COL24A1: variants seen among roughly 807,000 people sequenced by gnomAD.
The protein encoded by COL24A1 is collagen alpha-1(XXIV) chain.
COL24A1 carries 224 observed loss-of-function variants against 253.9 expected under a neutral mutation model. That is an observed-to-expected ratio of 0.88 (90% CI 0.79 to 0.99). The LOEUF is 0.99. COL24A1 is among the 50% of genes least tolerant of loss of function. The pLI is 0.00. For missense variants in COL24A1, 2,131 were observed against 2,068.5 expected (o/e 1.03, Z -0.59); for synonymous variants, 685 against 673.7 (o/e 1.02, Z -0.26).
intron 7 of COL24A1, among the ~76,000 whole-genome samples, chr1:86,082,126 A>ATT (rs1553127404): frequency 6.6e-6 from 1 of 151,834 alleles, no homozygotes; most frequent in Middle Eastern, 3.2e-3. Context: ...GTAGAAGCAT[A>ATT]TCTCTCGAAC....
chr1:85,838,857 A>C (rs1676301500), intron 42 of COL24A1, among the ~76,000 whole-genome samples: 1 of 152,240 alleles, frequency 6.6e-6, no homozygotes, highest in East Asian at 1.9e-4. Flanking sequence ...AGAGAATCTC[A>C]TAATGATTCT....
At chr1:86,130,146 C>T (rs2102300292) in intron 2 of COL24A1, among the ~76,000 whole-genome samples, 1 of 151,908 alleles carries the variant, frequency 6.6e-6, no homozygotes, top group South Asian at 2.1e-4. Context: ...ATATTTTTGG[C>T]ATTACCTTAA....
At chr1:85,741,775 G>C (rs1664670990) in intron 57 of COL24A1, among the ~76,000 whole-genome samples, 1 of 152,134 alleles carries the variant, frequency 6.6e-6, no homozygotes, top group Non-Finnish European at 1.5e-5. Flanking sequence ...TGAATTATGT[G>C]CTTCGTTACT....
chr1:86,045,538 A>T (rs1433335872), intron 12 of COL24A1, among the ~76,000 whole-genome samples: 2 of 152,132 alleles, frequency 1.3e-5, no homozygotes, highest in African/African-American at 4.8e-5. Context: ...CTGTTGGGAT[A>T]TGTGTATGAG....
intron 1 of COL24A1, among the ~76,000 whole-genome samples, chr1:86,149,983 T>C (rs1557833637): frequency 6.6e-6 from 1 of 152,222 alleles, no homozygotes; most frequent in Admixed American, 6.5e-5. Flanking sequence ...TTTCTTACAA[T>C]GCATTCAAGA....
At chr1:85,970,589 T>C (rs1186391006) in intron 21 of COL24A1, among the ~76,000 whole-genome samples, 1 of 152,208 alleles carries the variant, frequency 6.6e-6, no homozygotes, top group Non-Finnish European at 1.5e-5. Flanking sequence ...ACTCCATTTA[T>C]AGACATATTT....
intron 24 of COL24A1, among the ~76,000 whole-genome samples, chr1:85,949,756 A>G (rs542503400): frequency 9.7e-4 from 147 of 152,208 alleles, no homozygotes; most frequent in Middle Eastern, 6.8e-3. Context: ...AACTGGCAAT[A>G]TGACTGTTTC....
chr1:85,924,792 A>C (rs1460068300), intron 24 of COL24A1, among the ~76,000 whole-genome samples: 1 of 152,198 alleles, frequency 6.6e-6, no homozygotes, highest in East Asian at 1.9e-4. Flanking sequence ...CACCACTCTT[A>C]TTCAGCATAG....
chr1:85,980,171 T>C (rs961323371), intron 20 of COL24A1, among the ~76,000 whole-genome samples: 4 of 152,172 alleles, frequency 2.6e-5, no homozygotes, highest in Admixed American at 6.5e-5. Context: ...AAAACTGGCA[T>C]AGAAGAAACA....
chr1:85,790,173 A>G (rs1452478465), intron 47 of COL24A1, among the ~76,000 whole-genome samples: 1 of 152,142 alleles, frequency 6.6e-6, no homozygotes, highest in Non-Finnish European at 1.5e-5. Context: ...TTACGAATCC[A>G]TCTAGTTCTG....
intron 55 of COL24A1, among the ~76,000 whole-genome samples, chr1:85,758,217 A>G (rs935060940): frequency 6.6e-6 from 1 of 152,124 alleles, no homozygotes; most frequent in East Asian, 1.9e-4. Context: ...AACTCATTTC[A>G]GGTCACACCC....
At chr1:85,941,010 G>A (rs1465589504) in intron 24 of COL24A1, among the ~76,000 whole-genome samples, 1 of 152,108 alleles carries the variant, frequency 6.6e-6, no homozygotes, top group East Asian at 1.9e-4. Context: ...ACCTAACTTG[G>A]TTGAACTTAA....
At chr1:85,977,323 C>A (rs1307252977) in intron 20 of COL24A1, among the ~76,000 whole-genome samples, 4 of 152,120 alleles carry the variant, frequency 2.6e-5, no homozygotes, top group Non-Finnish European at 4.4e-5. Context: ...TTCTATTACA[C>A]CCCAAAGACC....
chr1:85,807,320 G>C (rs926791579), intron 47 of COL24A1, among the ~76,000 whole-genome samples: 4 of 152,090 alleles, frequency 2.6e-5, no homozygotes, highest in African/African-American at 9.7e-5. Flanking sequence ...CCCCTGGAAG[G>C]GCTCAAAGAG....
chr1:85,954,296 C>A (rs1436938163), intron 24 of COL24A1, among the ~76,000 whole-genome samples: 1 of 152,130 alleles, frequency 6.6e-6, no homozygotes, highest in Non-Finnish European at 1.5e-5. Context: ...GCTTCTCAAA[C>A]CATAATATGG....
intron 5 of COL24A1, among the ~76,000 whole-genome samples, chr1:86,094,459 A>G (rs759443412): frequency 1.3e-5 from 2 of 151,180 alleles, no homozygotes; most frequent in Admixed American, 6.6e-5. Context: ...ACATGGACAC[A>G]GAGAGGGGAA....
Position 85,815,083 on chromosome 1 carries a change from T to C in COL24A1, c.3951+1705A>G, listed in dbSNP as rs1049003708. On this transcript the variant is annotated intron_variant, in intron 47 of 59. Coordinates refer to ENST00000370571, the MANE Select transcript of COL24A1 (RefSeq NM_152890.7). ...CACCCCACCTCCATGATTATACCTG[T>C]GTATAGCAGCAACAAATATGACGTA... 2.6e-5 allele frequency among the ~76,000 whole-genome samples: 4 copies of C among 152,210 alleles called. No homozygotes were observed. In the East Asian group the frequency reaches 7.7e-4, roughly 29 times the overall value.
In COL24A1 at chr1:85,945,000, GTGTTTTTTTTTTTTTTTT is replaced by G. The variant is rs1219827324; in HGVS notation, c.2562+16231_2562+16248del. Among the ~76,000 whole-genome samples the G allele has an allele frequency of 1.3e-3, 48 of 36,130 alleles. 1 individual carries two copies. In the East Asian group the frequency reaches 0.016, roughly 12 times the overall value. 23.7% of individuals were successfully genotyped at this position (36,130 alleles called of 152,430 possible). A position where few individuals can be genotyped will look rare whatever the true frequency, so the allele number is the denominator to read the frequency against. ...CATTTTCTTAATCCAGTCTATCATT[GTGTTTTTTTTTTTTTTTT>G]TTTTTTTTTTTTTTTTTGAGACAGA... On this transcript the variant is annotated intron_variant, in intron 24 of 59. Coordinates refer to ENST00000370571, the MANE Select transcript of COL24A1 (RefSeq NM_152890.7).
chr1:85,773,645 G>A (rs999981990), intron 53 of COL24A1, among the ~76,000 whole-genome samples: 12 of 108,538 alleles, frequency 1.1e-4, no homozygotes, highest in Non-Finnish European at 2.3e-4. Flanking sequence ...GTGAATGGGA[G>A]TTCACTCATG....
Sources: allele counts gnomAD v4.1 joint callset (sites outside exome capture counted in the v4.1 genomes callset), GRCh38; gene constraint gnomAD v4.1.1; transcripts MANE v1.5; gene names NCBI Gene and HGNC (gene_info 2026-07-23, HGNC 2026-07-21).